Variants in GIPC1 observed in about 807,000 individuals in gnomAD.
GIPC1 encodes the protein GIPC PDZ domain containing family member 1.
A neutral mutation model predicts 28.5 loss-of-function variants in GIPC1; 15 were observed. That is an observed-to-expected ratio of 0.53 (90% CI 0.35 to 0.81). The LOEUF (loss-of-function observed/expected upper bound fraction) is 0.81. GIPC1 is among the 30% of genes least tolerant of loss of function. The probability of loss-of-function intolerance (pLI) is 0.01; values close to 1 mark genes in which losing one functional copy is unlikely to be tolerated. For synonymous variants in GIPC1, 224 were observed against 206.1 expected (o/e 1.09, Z -0.74); for missense variants, 439 against 481.9 (o/e 0.91, Z 0.83).
intron 3 of GIPC1, among the ~76,000 whole-genome samples, chr19:14,485,768 A>C (rs1454249009): frequency 7.1e-6 from 1 of 140,356 alleles, no homozygotes; most frequent in Non-Finnish European, 1.6e-5. Context: ...GAGAGAAAGG[A>C]GTTCTTTTTT....
At chr19:14,491,162 C>T (rs117663855) in intron 3 of GIPC1, among the ~76,000 whole-genome samples, 3,922 of 151,968 alleles carry the variant, frequency 0.026, 54 homozygotes, top group East Asian at 0.076. Context: ...TGAGCCACTG[C>T]GCTCAGCCTA....
chr19:14,496,108 C>A lies in GIPC1; in HGVS notation c.-246G>T. ...GCCTCCCCGTGCGCACCCGGCTCGG[C>A]CCTCCGCAAACTCCAGACCGGGCCT... On this transcript the variant is annotated 5_prime_UTR_variant, in exon 1 of 9. Transcript: ENST00000393033. 4.6e-6 allele frequency: 1 copy of A among 216,182 alleles called. No individual in the cohort carries two copies. Among genetic ancestry groups the A allele is most frequent in the South Asian group, 1.2e-4 (1 of 8,446 alleles). 13.4% of individuals were successfully genotyped at this position (216,182 alleles called of 1,614,324 possible). A position where few individuals can be genotyped will look rare whatever the true frequency, so the allele number is the denominator to read the frequency against.
intron 4 of GIPC1, chr19:14,482,453 T>C (rs1160938502): frequency 1.0e-5 from 6 of 591,040 alleles, no homozygotes; most frequent in East Asian, 2.8e-5. Context: ...CAGTGCCTGA[T>C]GGGAACTCAG....
intron 3 of GIPC1, chr19:14,489,241 G>A: frequency 1.6e-6 from 1 of 625,592 alleles, no homozygotes; most frequent in East Asian, 2.8e-5. Flanking sequence ...TTTGGATAAG[G>A]TTTGCCCCAT....
chr19:14,488,051 C>T (rs553069863), intron 3 of GIPC1, among the ~76,000 whole-genome samples: 1 of 152,226 alleles, frequency 6.6e-6, no homozygotes, highest in African/African-American at 2.4e-5. Context: ...GTGAGGGCGT[C>T]TCTGAGCACG....
Position 14,480,295 on chromosome 19 carries a change from G to A in GIPC1, c.655+10C>T, listed in dbSNP as rs761537589. The A allele has an allele frequency of 4.4e-6, 7 of 1,607,206 alleles. No individual in the cohort carries two copies. In the Admixed American group the frequency reaches 5.0e-5, roughly 11 times the overall value. On this transcript the variant is annotated intron_variant, in intron 6 of 8. Coordinates refer to ENST00000393033, the MANE Select transcript of GIPC1 (RefSeq NM_005716.4). Reference sequence around the variant, plus strand: ...GCGCCACTGGGGAGGTCCAGGGGGCGGCTCCTCACCGAAGGCCTTGCGAGG... The same window carrying A: ...GCGCCACTGGGGAGGTCCAGGGGGCAGCTCCTCACCGAAGGCCTTGCGAGG...
chr19:14,486,276 C>A (rs998014460), intron 3 of GIPC1, among the ~76,000 whole-genome samples: 3 of 152,182 alleles, frequency 2.0e-5, no homozygotes, highest in Non-Finnish European at 2.9e-5. Flanking sequence ...AGGCTGAAAG[C>A]GACTACGCTT....
Position 14,478,125 on chromosome 19 carries a change from C to T in GIPC1, c.*291G>A, listed in dbSNP as rs1242732710. The T allele has an allele frequency of 1.8e-5, 7 of 380,386 alleles. No individual in the cohort carries two copies. Among genetic ancestry groups the T allele is most frequent in the South Asian group, 5.4e-5 (1 of 18,510 alleles). 23.6% of individuals were successfully genotyped at this position (380,386 alleles called of 1,614,324 possible). The stretch of plus-strand genomic sequence containing the variant: ...AGCTGATGGTGGAAAGTGGTGGAGG[C>T]GGGGGTGGCCGCCCAATTTGGCTGA... On this transcript the variant is annotated 3_prime_UTR_variant, in exon 9 of 9. Coordinates refer to ENST00000393033, the MANE Select transcript of GIPC1 (RefSeq NM_005716.4). This position sits in a 1 kb window ranked among gnomAD's most constrained non-coding sequence, Gnocchi z 5.2.
intron 4 of GIPC1, among the ~76,000 whole-genome samples, chr19:14,481,118 C>T (rs1214650849): frequency 3.9e-5 from 6 of 152,080 alleles, no homozygotes; most frequent in East Asian, 3.8e-4. Flanking sequence ...TACAGGTGCT[C>T]GCCACCATGC....
Position 14,479,915 on chromosome 19 carries a change from T to C in GIPC1, c.655+390A>G, listed in dbSNP as rs552895334. ...CAGCCCTACCTGCCCAGGGAAGTGA[T>C]TTAGTCCCCCACCCCCACCTCAGGG... On this transcript the variant is annotated intron_variant, in intron 6 of 8. Transcript: ENST00000393033. 7.1e-5 allele frequency: 29 copies of C among 405,622 alleles called. 1 individual carries two copies. Among genetic ancestry groups the C allele is most frequent in the African/African-American group, 4.8e-4 (23 of 47,884 alleles). The allele number at this position is 405,622 out of a possible 1,614,324, so 25.1% of individuals were successfully genotyped here.
rs1555723646 is a variant in GIPC1 at position 14,496,041 on chromosome 19, T to TCCGCCTCCG, written c.-180_-179insCGGAGGCGG. 1.3e-4 allele frequency: 29 copies of TCCGCCTCCG among 226,420 alleles called. 1 individual carries two copies. In the Admixed American group the frequency reaches 1.7e-3, roughly 13 times the overall value. The allele number at this position is 226,420 out of a possible 1,614,324, so 14.0% of individuals were successfully genotyped here. A position where few individuals can be genotyped will look rare whatever the true frequency, so the allele number is the denominator to read the frequency against. ...CTTCTCGCAGAGGCCACTCACCTGC[T>TCCGCCTCCG]CCGCCGCCGCCGCCGCCGCCGCCGC... On this transcript the variant is annotated 5_prime_UTR_variant, in exon 1 of 9. Coordinates refer to ENST00000393033, the MANE Select transcript of GIPC1 (RefSeq NM_005716.4).
chr19:14,485,684 AAT>A (rs141749727), intron 3 of GIPC1, among the ~76,000 whole-genome samples: 18 of 72,466 alleles, frequency 2.5e-4, no homozygotes, highest in South Asian at 9.6e-4. Flanking sequence ...TAAATAAACA[AAT>A]ATATATATAT....
At position 14,489,261 on chromosome 19, in the gene GIPC1, T is replaced by G. The variant is rs927039874; in HGVS notation, c.-31+2395A>C. ...ATAAGGTTTGCCCCATTGAAACTCA[T>G]GCTCGAACAATCGATTGGCTAACGA... On this transcript the variant is annotated intron_variant, in intron 3 of 8. Coordinates refer to ENST00000393033, the MANE Select transcript of GIPC1 (RefSeq NM_005716.4). The G allele has an allele frequency of 7.0e-5, 46 of 656,782 alleles. 1 individual carries two copies. In the Admixed American group the frequency reaches 1.0e-3, roughly 14 times the overall value. The allele number at this position is 656,782 out of a possible 1,614,324, so 40.7% of individuals were successfully genotyped here.
intron 6 of GIPC1, chr19:14,479,984 G>C (rs1194088307): frequency 8.0e-6 from 4 of 502,378 alleles, no homozygotes; most frequent in Non-Finnish European, 7.1e-6. Flanking sequence ...AGATGGAAAA[G>C]TGGGGGGGCT....
chr19:14,485,113 T>G (rs2071807268), intron 3 of GIPC1, among the ~76,000 whole-genome samples: 1 of 151,850 alleles, frequency 6.6e-6, no homozygotes, highest in Admixed American at 6.6e-5. Flanking sequence ...TGAGCTGAGA[T>G]TGCACCACTG....
At position 14,487,685 on chromosome 19, in the gene GIPC1, C is replaced by CTTTTTTTTTT. The variant is rs34048955; in HGVS notation, c.-31+3961_-31+3970dup. ...AATATAAATTTTTTCCTTTATTTTC[C>CTTTTTTTTTT]TTTTTTTTTTTGACAGAGTCTTGCT... On this transcript the variant is annotated intron_variant, in intron 3 of 8. Transcript: ENST00000393033. Among the ~76,000 whole-genome samples the CTTTTTTTTTT allele has an allele frequency of 1.5e-4, 19 of 130,498 alleles. No homozygotes were observed. In the South Asian group the frequency reaches 1.5e-3, roughly 10 times the overall value. The allele number at this position is 130,498 out of a possible 152,430, so 85.6% of individuals were successfully genotyped here.
intron 7 of GIPC1, among the ~76,000 whole-genome samples, chr19:14,479,045 T>C (rs2071664929): frequency 6.6e-6 from 1 of 151,882 alleles, no homozygotes; most frequent in Admixed American, 6.6e-5. Flanking sequence ...ATGCTGCCGG[T>C]TATGAAAAGG....
In GIPC1 at chr19:14,484,782, A is replaced by C. The variant is rs185148390; in HGVS notation, c.-30-1776T>G. 2.1e-4 allele frequency among the ~76,000 whole-genome samples: 32 copies of C among 152,126 alleles called. No individual in the cohort carries two copies. The East Asian group carries it at 5.5e-3, about 26-fold the overall frequency. ...ACAAAAAACAAAAAACACTTTTTGC[A>C]GAGATGAGGGGTCTCAATATGTTGC... On this transcript the variant is annotated intron_variant, in intron 3 of 8. Transcript: ENST00000393033.
intron 3 of GIPC1, chr19:14,489,715 T>A (rs2071924825): frequency 2.8e-6 from 2 of 719,854 alleles, no homozygotes; most frequent in African/African-American, 3.5e-5. Context: ...CATATTAGAC[T>A]TTTTGTTAAA....
Sources: gnomAD v4.1 joint callset for allele counts (sites outside exome capture counted in the v4.1 genomes callset) on GRCh38, gnomAD v4.1.1 for gene constraint, Gnocchi (gnomAD v3.1) non-coding constraint, MANE v1.5 for transcripts, NCBI Gene and HGNC (gene_info 2026-07-23, HGNC 2026-07-21) for gene names.